FBXO34: variants seen among roughly 807,000 people sequenced by gnomAD.
FBXO34 encodes the protein F-box only protein 34.
FBXO34 carries 12 observed loss-of-function variants against 24.5 expected under a neutral mutation model. That is an observed-to-expected ratio of 0.49 (90% CI 0.31 to 0.79). The LOEUF (loss-of-function observed/expected upper bound fraction) is 0.79. Among genes scored for constraint, FBXO34 ranks in the 30% least tolerant of loss-of-function variants. FBXO34 has a pLI of 0.04. For missense variants in FBXO34, 823 were observed against 857.7 expected, an observed-to-expected ratio of 0.96 and a Z score of 0.51; for synonymous variants, 320 against 311.9, an observed-to-expected ratio of 1.03 and a Z score of -0.27.
chr14:55,358,059 T>TG (rs1243782616), downstream of FBXO34, among the ~76,000 whole-genome samples: 1 of 151,878 alleles, frequency 6.6e-6, no homozygotes, highest in Admixed American at 6.6e-5. Flanking sequence ...CTGTTGGCCT[T>TG]CACTCTGCCC....
At chr14:55,274,939 A>G (rs1280385897) in intron 1 of FBXO34, among the ~76,000 whole-genome samples, 4 of 152,252 alleles carry the variant, frequency 2.6e-5, no homozygotes, top group Non-Finnish European at 5.9e-5. Context: ...AAAATTCAGC[A>G]AGTGCATAAT....
intron 1 of FBXO34, among the ~76,000 whole-genome samples, chr14:55,292,442 C>G (rs1177445272): frequency 1.3e-5 from 2 of 152,056 alleles, no homozygotes; most frequent in Admixed American, 1.3e-4. Context: ...TCACTGCAGC[C>G]TCTACCTCCT....
At chr14:55,392,903 T>C in the FBXO34 span, among the ~76,000 whole-genome samples, 4 of 152,104 alleles carry the variant, frequency 2.6e-5, no homozygotes, top group Admixed American at 2.6e-4. Context: ...TTCAGAAATA[T>C]ATCAGATATG....
chr14:55,393,164 G>C, the FBXO34 span, among the ~76,000 whole-genome samples: 1 of 152,092 alleles, frequency 6.6e-6, no homozygotes, highest in Non-Finnish European at 1.5e-5. Flanking sequence ...GGCGGATCAC[G>C]AGGTCAGGAG....
the FBXO34 span, among the ~76,000 whole-genome samples, chr14:55,412,832 G>A: frequency 6.6e-6 from 1 of 152,144 alleles, no homozygotes; most frequent in African/African-American, 2.4e-5. Context: ...TCAAAGTGTT[G>A]GAAACTGACT....
At chr14:55,344,171 C>G (rs564765628) in intron 1 of FBXO34, among the ~76,000 whole-genome samples, 1 of 152,012 alleles carries the variant, frequency 6.6e-6, no homozygotes, top group Non-Finnish European at 1.5e-5. Flanking sequence ...TGGTGCTCAC[C>G]CTCTCACCTT....
chr14:55,352,474 ATCG>A lies in FBXO34; in HGVS notation c.2085_2087del (p.Asn695_Arg696delinsLys). On this transcript the variant is annotated inframe_deletion, in exon 2 of 2. Coordinates refer to ENST00000313833, the MANE Select transcript of FBXO34 (RefSeq NM_017943.4). ...TGGGTTCCTGCCTGCCACAGCTTTA[ATCG>A]GGCAATCCATAAGAAAGCAAAAGGG... 6.2e-7 allele frequency: 1 copy of A among 1,613,850 alleles called. No individual in the cohort carries two copies. Among genetic ancestry groups the A allele is most frequent in the Admixed American group, 1.7e-5 (1 of 60,006 alleles).
chr14:55,432,213 G>T, the FBXO34 span, among the ~76,000 whole-genome samples: 2 of 146,360 alleles, frequency 1.4e-5, no homozygotes, highest in Non-Finnish European at 3.0e-5. Context: ...TTCGAGACCA[G>T]CCTGGGCAAT....
chr14:55,286,692 G>A (rs953875821), intron 1 of FBXO34, among the ~76,000 whole-genome samples: 5 of 152,046 alleles, frequency 3.3e-5, no homozygotes, highest in Non-Finnish European at 7.4e-5. Context: ...ATTTTTAAAG[G>A]ATAAGTGATT....
the FBXO34 span, chr14:55,386,115 AC>A: frequency 6.3e-7 from 1 of 1,586,262 alleles, no homozygotes; most frequent in East Asian, 2.2e-5. Context: ...AATAAATCAC[AC>A]CCAACAATTA....
At chr14:55,333,453 AC>A (rs1883666976) in intron 1 of FBXO34, among the ~76,000 whole-genome samples, 2 of 152,272 alleles carry the variant, frequency 1.3e-5, no homozygotes, top group African/African-American at 4.8e-5. Flanking sequence ...CTGGGTGTGA[AC>A]TGTGCATACT....
intron 1 of FBXO34, among the ~76,000 whole-genome samples, chr14:55,305,642 C>T (rs546611207): frequency 6.8e-6 from 1 of 148,124 alleles, no homozygotes; most frequent in Non-Finnish European, 1.5e-5. Context: ...TGTAGTGAGC[C>T]GAGATCGTGC....
chr14:55,391,151 G>A, the FBXO34 span: 133 of 550,136 alleles, frequency 2.4e-4, no homozygotes, highest in Non-Finnish European at 3.9e-4. Context: ...TTACGAAAAA[G>A]AGAACGATGT....
At chr14:55,282,908 C>G (rs1252715502) in intron 1 of FBXO34, among the ~76,000 whole-genome samples, 1 of 152,198 alleles carries the variant, frequency 6.6e-6, no homozygotes. Context: ...TCTCAAAGGA[C>G]ACTTTTGCTT....
the FBXO34 span, chr14:55,390,914 T>G: frequency 1.9e-6 from 3 of 1,587,130 alleles, no homozygotes; most frequent in African/African-American, 1.3e-5. Flanking sequence ...TACTTACTTT[T>G]CTCCATTTCT....
chr14:55,299,361 C>CAT (rs2139703001), intron 1 of FBXO34: 1 of 322,470 alleles, frequency 3.1e-6, no homozygotes, highest in African/African-American at 2.8e-5. Context: ...TCGCTCTCTG[C>CAT]ATAGCATGGT....
At chr14:55,339,389 C>CCA (rs1379741316) in intron 1 of FBXO34, 1 of 145,118 alleles carries the variant, frequency 6.9e-6, no homozygotes, top group Non-Finnish European at 1.5e-5. Flanking sequence ...CCCCCCCCCC[C>CCA]AATCCTGGAT....
At chr14:55,341,104 A>C (rs1199831300) in intron 1 of FBXO34, among the ~76,000 whole-genome samples, 1 of 152,124 alleles carries the variant, frequency 6.6e-6, no homozygotes, top group African/African-American at 2.4e-5. Flanking sequence ...TCTTGCAGCA[A>C]AGGAAAGAGG....
chr14:55,411,724 C>A, the FBXO34 span: 2 of 1,612,144 alleles, frequency 1.2e-6, no homozygotes, highest in South Asian at 1.1e-5. Flanking sequence ...ACAGCCCCTC[C>A]GCATCGTCCA....
Sources: allele counts gnomAD v4.1 joint callset (sites outside exome capture counted in the v4.1 genomes callset), GRCh38; gene constraint gnomAD v4.1.1; transcripts MANE v1.5; gene names NCBI Gene and HGNC (gene_info 2026-07-23, HGNC 2026-07-21).